Variants in ARHGAP28 observed in about 807,000 individuals in gnomAD.
ARHGAP28 encodes rho GTPase-activating protein 28.
Under a neutral mutation model 90.7 loss-of-function variants are expected in ARHGAP28, and 56 were observed. The ratio of observed to expected loss-of-function variants is 0.62; its 90% CI spans 0.50 to 0.77. The LOEUF (loss-of-function observed/expected upper bound fraction) is 0.77. Among genes scored for constraint, ARHGAP28 ranks in the 30% least tolerant of loss-of-function variants. The probability of loss-of-function intolerance (pLI) is 0.00; values close to 1 mark genes in which losing one functional copy is unlikely to be tolerated. For synonymous variants in ARHGAP28, 308 were observed against 323.3 expected, an observed-to-expected ratio of 0.95 and a Z score of 0.51; for missense variants, 869 against 900.9, an observed-to-expected ratio of 0.96 and a Z score of 0.45.
At chr18:6,798,181 TA>T (rs1359870285) in intron 1 of ARHGAP28, among the ~76,000 whole-genome samples, 1 of 151,978 alleles carries the variant, frequency 6.6e-6, no homozygotes, top group African/African-American at 2.4e-5. Context: ...GGAAACTAAT[TA>T]TAAATTATTG....
intron 1 of ARHGAP28, among the ~76,000 whole-genome samples, chr18:6,816,020 G>T (rs561220490): frequency 2.0e-5 from 3 of 151,846 alleles, no homozygotes; most frequent in Non-Finnish European, 2.9e-5. Context: ...TGTATTCTTT[G>T]CTGCCAACAG....
At chr18:6,840,964 G>A (rs1181017179) in intron 3 of ARHGAP28, among the ~76,000 whole-genome samples, 3 of 152,066 alleles carry the variant, frequency 2.0e-5, no homozygotes, top group Non-Finnish European at 4.4e-5. Context: ...CTTCACAGAT[G>A]TTGTTTCCTA....
At chr18:6,810,845 G>T (rs1371073516) in intron 1 of ARHGAP28, among the ~76,000 whole-genome samples, 1 of 152,048 alleles carries the variant, frequency 6.6e-6, no homozygotes, top group Non-Finnish European at 1.5e-5. Context: ...TCAGGAGAGA[G>T]TGTTCATTCT....
intron 1 of ARHGAP28, among the ~76,000 whole-genome samples, chr18:6,785,890 G>A (rs1382275813): frequency 6.6e-6 from 1 of 152,180 alleles, no homozygotes; most frequent in Admixed American, 6.5e-5. Flanking sequence ...AAGGAAATAG[G>A]TCAGAGTATA....
At chr18:6,779,327 C>T (rs977118190) in intron 1 of ARHGAP28, among the ~76,000 whole-genome samples, 7 of 152,154 alleles carry the variant, frequency 4.6e-5, no homozygotes, top group African/African-American at 1.2e-4. Flanking sequence ...AAATCCTCCT[C>T]CATCTGCTGA....
intron 1 of ARHGAP28, among the ~76,000 whole-genome samples, chr18:6,743,243 C>G (rs940474666): frequency 2.0e-5 from 3 of 152,164 alleles, no homozygotes; most frequent in African/African-American, 7.2e-5. Flanking sequence ...CATTTCTTTT[C>G]TTACTTAAAA....
chr18:6,878,645 C>G (rs1356335404), intron 10 of ARHGAP28, among the ~76,000 whole-genome samples: 1 of 152,178 alleles, frequency 6.6e-6, no homozygotes, highest in Non-Finnish European at 1.5e-5. Context: ...CATTCCTGAA[C>G]CACATACAGG....
rs940109400 is a variant in ARHGAP28, at chr18:6,838,938, C to A, written c.543+1524C>A. Among the ~76,000 whole-genome samples, 6 of 152,142 alleles carry A rather than the reference C, an allele frequency of 3.9e-5. No homozygotes were observed. The East Asian group carries it at 5.8e-4, about 15-fold the overall frequency. On this transcript the variant is annotated intron_variant, in intron 3 of 17. Coordinates refer to ENST00000383472, the MANE Select transcript of ARHGAP28 (RefSeq NM_001366230.1). ...AAAGGTTGCCTTGCTGGTTTAAATT[C>A]TTTGGGCCTGACATTTTTGTATTTT...
intron 1 of ARHGAP28, among the ~76,000 whole-genome samples, chr18:6,795,259 CAAGG>C (rs2056433632): frequency 6.6e-6 from 1 of 152,058 alleles, no homozygotes; most frequent in Non-Finnish European, 1.5e-5. Context: ...TGAAATCCAG[CAAGG>C]AAGAGAGCTG....
intron 17 of ARHGAP28, among the ~76,000 whole-genome samples, chr18:6,911,331 T>C (rs8085992): frequency 0.81 from 123,418 of 152,150 alleles, 50,367 homozygotes; most frequent in Non-Finnish European, 0.86. Flanking sequence ...CTTCTCTAGC[T>C]CTGGTCAAGT....
chr18:6,833,161 G>A (rs959781193), intron 2 of ARHGAP28, among the ~76,000 whole-genome samples: 1 of 151,886 alleles, frequency 6.6e-6, no homozygotes, highest in Non-Finnish European at 1.5e-5. Context: ...CAGTTTCAGG[G>A]ACCATTTGAG....
At chr18:6,748,955 G>A (rs1413632800) in intron 1 of ARHGAP28, among the ~76,000 whole-genome samples, 2 of 152,064 alleles carry the variant, frequency 1.3e-5, no homozygotes, top group African/African-American at 2.4e-5. Context: ...TCAAGATGGA[G>A]GCAAAACATA....
intron 1 of ARHGAP28, among the ~76,000 whole-genome samples, chr18:6,819,535 AC>A (rs1203390076): frequency 6.6e-6 from 1 of 152,120 alleles, no homozygotes; most frequent in Non-Finnish European, 1.5e-5. Context: ...GAGGGACTCT[AC>A]CGGGATGAGG....
rs1305772130 is a variant in ARHGAP28, at chr18:6,744,198, T to C, written c.122+14255T>C. ...GAGTTAGTAGGGGGGATTTTAAGAG[T>C]TGGAAGAGTGTTTTTGGCCAAAGAA... On this transcript the variant is annotated intron_variant, in intron 1 of 17. Transcript: ENST00000383472. Among the ~76,000 whole-genome samples, 3 of 151,846 alleles carry C rather than the reference T, an allele frequency of 2.0e-5. No homozygotes were observed. The East Asian group carries it at 5.8e-4, about 29-fold the overall frequency.
intron 5 of ARHGAP28, among the ~76,000 whole-genome samples, chr18:6,865,809 C>T (rs530289966): frequency 1.3e-5 from 2 of 152,074 alleles, no homozygotes; most frequent in Non-Finnish European, 2.9e-5. Context: ...CTTGGTGTAA[C>T]TAGGGCAGCA....
intron 1 of ARHGAP28, among the ~76,000 whole-genome samples, chr18:6,763,602 C>G (rs2056178758): frequency 6.6e-6 from 1 of 152,214 alleles, no homozygotes; most frequent in Non-Finnish European, 1.5e-5. Context: ...ATTTTCTTCT[C>G]TGCTAGTCTC....
At chr18:6,740,358 A>T (rs1408969108) in intron 1 of ARHGAP28, among the ~76,000 whole-genome samples, 2 of 152,028 alleles carry the variant, frequency 1.3e-5, no homozygotes, top group East Asian at 3.9e-4. Context: ...GGCTGTGGAA[A>T]CTCAGACTCC....
In ARHGAP28 at chr18:6,864,404, T is replaced by C. The variant is rs560992519; in HGVS notation, c.727-3746T>C. On this transcript the variant is annotated intron_variant, in intron 5 of 17. Coordinates refer to ENST00000383472, the MANE Select transcript of ARHGAP28 (RefSeq NM_001366230.1). ...TGGATGTAATTTAAGGGTTAGATTA[T>C]TTTCTATCCCAATTTGTATGAATTT... is the stretch of plus-strand genomic sequence containing the variant. 1.3e-4 allele frequency among the ~76,000 whole-genome samples: 20 copies of C among 152,328 alleles called. 1 individual carries two copies. Among genetic ancestry groups the C allele is most frequent in the Admixed American group, 6.5e-4 (10 of 15,304 alleles).
chr18:6,849,753 T>C, intron 3 of ARHGAP28, among the ~76,000 whole-genome samples: 1 of 152,346 alleles, frequency 6.6e-6, no homozygotes, highest in South Asian at 2.1e-4. Context: ...GCTTTCATTT[T>C]TATATTTCTG....
Sources: allele counts gnomAD v4.1 joint callset (sites outside exome capture counted in the v4.1 genomes callset), GRCh38; gene constraint gnomAD v4.1.1; transcripts MANE v1.5; gene names NCBI Gene and HGNC (gene_info 2026-07-23, HGNC 2026-07-21).